The following RABGAP1L variants were observed in gnomAD, a reference collection of about 807,000 sequenced individuals.
RABGAP1L encodes the protein RAB GTPase activating protein 1 like.
In RABGAP1L, 63 loss-of-function variants were observed where a neutral mutation model predicts 137.7. The observed-to-expected ratio is 0.46, with a 90% CI of 0.37 to 0.56. The LOEUF (loss-of-function observed/expected upper bound fraction) is 0.56. RABGAP1L is among the 20% of genes least tolerant of loss of function. The pLI, the probability that RABGAP1L is intolerant of heterozygous loss-of-function variation, is 0.00. For synonymous variants in RABGAP1L, 431 were observed against 433.7 expected, an observed-to-expected ratio of 0.99 and a Z score of 0.08; for missense variants, 1,095 against 1,244.0, an observed-to-expected ratio of 0.88 and a Z score of 1.80.
At chr1:174,534,226 A>G (rs1252487920) in intron 13 of RABGAP1L, among the ~76,000 whole-genome samples, 1 of 151,260 alleles carries the variant, frequency 6.6e-6, no homozygotes, top group African/African-American at 2.4e-5. Flanking sequence ...TAAACTTTAT[A>G]TCAATGGTGT....
intron 19 of RABGAP1L, among the ~76,000 whole-genome samples, chr1:174,941,843 A>G (rs1469125417): frequency 6.6e-6 from 1 of 152,198 alleles, no homozygotes; most frequent in African/African-American, 2.4e-5. Context: ...CCTCTACACC[A>G]TCATAGAATG....
chr1:174,376,814 G>T (rs1170599612), intron 12 of RABGAP1L, among the ~76,000 whole-genome samples: 3 of 152,154 alleles, frequency 2.0e-5, no homozygotes, highest in African/African-American at 7.2e-5. Flanking sequence ...CTACTCTCAT[G>T]ACTCTTACTC....
chr1:174,773,569 T>C (rs954917865), intron 18 of RABGAP1L, among the ~76,000 whole-genome samples: 2 of 152,200 alleles, frequency 1.3e-5, no homozygotes, highest in Non-Finnish European at 2.9e-5. Context: ...TGTTCAAAGA[T>C]AGTTGTCCCA....
intron 18 of RABGAP1L, chr1:174,800,618 G>T: frequency 7.0e-7 from 1 of 1,424,790 alleles, no homozygotes; most frequent in Non-Finnish European, 9.3e-7. Context: ...TCCCCATTCT[G>T]CCGAGAAGGA....
intron 14 of RABGAP1L, among the ~76,000 whole-genome samples, chr1:174,666,274 T>C (rs1676778433): frequency 6.6e-6 from 1 of 152,230 alleles, no homozygotes; most frequent in African/African-American, 2.4e-5. Context: ...AGAAGTTCTT[T>C]GTAGGTTATA....
intron 13 of RABGAP1L, among the ~76,000 whole-genome samples, chr1:174,395,503 G>A (rs571946350): frequency 1.3e-5 from 2 of 151,640 alleles, no homozygotes; most frequent in African/African-American, 4.8e-5. Context: ...AACATATGGC[G>A]GTTTAAACAC....
At chr1:174,894,375 A>T (rs752178803) in intron 19 of RABGAP1L, among the ~76,000 whole-genome samples, 2 of 152,240 alleles carry the variant, frequency 1.3e-5, no homozygotes, top group Non-Finnish European at 2.9e-5. Context: ...GGCATCTATA[A>T]ATGTGTAGTC....
intron 7 of RABGAP1L, among the ~76,000 whole-genome samples, chr1:174,266,890 A>G (rs1674116876): frequency 6.6e-6 from 1 of 152,230 alleles, no homozygotes; most frequent in Non-Finnish European, 1.5e-5. Context: ...GCACAGTCTT[A>G]GAAGATTTTA....
chr1:174,785,108 AGGCT>A (rs1319060826), intron 18 of RABGAP1L, among the ~76,000 whole-genome samples: 2 of 152,146 alleles, frequency 1.3e-5, no homozygotes, highest in African/African-American at 4.8e-5. Flanking sequence ...CTTGTTGCCC[AGGCT>A]GGAGTACAAT....
At chr1:174,385,078 C>T (rs192256380) in intron 12 of RABGAP1L, among the ~76,000 whole-genome samples, 1 of 152,066 alleles carries the variant, frequency 6.6e-6, no homozygotes, top group Non-Finnish European at 1.5e-5. Flanking sequence ...ATTCTGACTG[C>T]CCAGTGAAAA....
intron 1 of RABGAP1L, among the ~76,000 whole-genome samples, chr1:174,199,326 C>G (rs1177913797): frequency 6.6e-6 from 1 of 152,022 alleles, no homozygotes; most frequent in Non-Finnish European, 1.5e-5. Flanking sequence ...GGGTCTCGCT[C>G]TACTGCCCAG....
intron 24 of RABGAP1L, 27 bp downstream of exon 24, chr1:174,982,932 A>G: frequency 1.3e-6 from 2 of 1,549,038 alleles, no homozygotes; most frequent in South Asian, 1.2e-5. Context: ...TGCTGTGATA[A>G]AATTTATTTC....
At chr1:174,331,836 C>T (rs1681060314) in intron 11 of RABGAP1L, among the ~76,000 whole-genome samples, 1 of 136,910 alleles carries the variant, frequency 7.3e-6, no homozygotes, top group South Asian at 2.9e-4. Flanking sequence ...CTCCCCCCAC[C>T]CCACAACCGT....
chr1:174,717,695 A>G (rs1305111913), intron 17 of RABGAP1L, among the ~76,000 whole-genome samples: 1 of 152,186 alleles, frequency 6.6e-6, no homozygotes, highest in African/African-American at 2.4e-5. Flanking sequence ...GTATTATCTA[A>G]TTCTTGTCTT....
chr1:174,271,128 T>C (rs1418207471), intron 7 of RABGAP1L, among the ~76,000 whole-genome samples: 1 of 152,108 alleles, frequency 6.6e-6, no homozygotes, highest in Non-Finnish European at 1.5e-5. Flanking sequence ...ATTATTTCTC[T>C]TGTAGATTAT....
At chr1:174,488,937 C>T (rs1659944710) in intron 13 of RABGAP1L, among the ~76,000 whole-genome samples, 1 of 113,038 alleles carries the variant, frequency 8.8e-6, no homozygotes. Flanking sequence ...CACAACAGGT[C>T]CCAGTGTGTG....
chr1:174,840,901 A>G (rs1693323243), intron 19 of RABGAP1L, among the ~76,000 whole-genome samples: 1 of 152,010 alleles, frequency 6.6e-6, no homozygotes, highest in Non-Finnish European at 1.5e-5. Flanking sequence ...AACATGGGAA[A>G]CACAAAGAAA....
chr1:174,782,532 A>T (rs1687095789), intron 18 of RABGAP1L, among the ~76,000 whole-genome samples: 1 of 152,122 alleles, frequency 6.6e-6, no homozygotes, highest in Non-Finnish European at 1.5e-5. Context: ...GCTTTACTTA[A>T]ATGCTGTGTA....
chr1:174,244,894 T>TAA lies in RABGAP1L; in HGVS notation c.717+3238_717+3239insAA, dbSNP rs1672129133. The TAA allele has an allele frequency of 3.3e-5, 5 of 152,204 alleles. 1 individual carries two copies. The South Asian group carries it at 1.0e-3, about 32-fold the overall frequency. The allele number at this position is 152,204 out of a possible 1,614,324, so 9.4% of individuals were successfully genotyped here. ...TGTGTTTTAGGATACTATTCAGTAT[T>TAA]AGAAACTCTGTTACATTATGGAAGC... On this transcript the variant is annotated intron_variant, in intron 5 of 25. Coordinates refer to ENST00000681986, the MANE Select transcript of RABGAP1L (RefSeq NM_001366446.1).
Sources: gnomAD v4.1 joint callset for allele counts (sites outside exome capture counted in the v4.1 genomes callset) on GRCh38, gnomAD v4.1.1 for gene constraint, MANE v1.5 for transcripts, NCBI Gene and HGNC (gene_info 2026-07-23, HGNC 2026-07-21) for gene names.